Variants in KCND2 observed in about 807,000 individuals in gnomAD.
KCND2 encodes A-type voltage-gated potassium channel KCND2.
KCND2 carries 16 observed loss-of-function variants against 54.4 expected under a neutral mutation model. The observed-to-expected ratio is 0.29, with a 90% CI of 0.20 to 0.45. KCND2 has a LOEUF of 0.45. Ranked by LOEUF, KCND2 falls within the 20% of genes least tolerant of loss-of-function variation. KCND2 has a pLI of 1.00. For missense variants in KCND2, 486 were observed against 824.2 expected (o/e 0.59, Z 5.02); for synonymous variants, 317 against 310.7 (o/e 1.02, Z -0.21).
chr7:120,583,918 A>T (rs2116447489), intron 1 of KCND2, among the ~76,000 whole-genome samples: 1 of 152,346 alleles, frequency 6.6e-6, no homozygotes, highest in Non-Finnish European at 1.5e-5. Context: ...GTAATCAGTC[A>T]TCCACCCTAA....
intron 1 of KCND2, among the ~76,000 whole-genome samples, chr7:120,708,376 T>G (rs1202476789): frequency 6.6e-6 from 1 of 152,146 alleles, no homozygotes; most frequent in Non-Finnish European, 1.5e-5. Context: ...AATTGTATTA[T>G]GTACAAATAG....
chr7:120,684,091 A>G (rs1326080953), intron 1 of KCND2, among the ~76,000 whole-genome samples: 1 of 152,154 alleles, frequency 6.6e-6, no homozygotes, highest in South Asian at 2.1e-4. Flanking sequence ...GGAGTACTTC[A>G]TCATCACCTG....
At chr7:120,443,348 T>TA (rs1255579538) in intron 1 of KCND2, among the ~76,000 whole-genome samples, 5 of 126,212 alleles carry the variant, frequency 4.0e-5, no homozygotes, top group African/African-American at 1.1e-4. Flanking sequence ...GAAATAACAA[T>TA]AATAAATAAT....
Position 120,641,732 on chromosome 7 carries a change from T to C in KCND2, c.1116-91171T>C, listed in dbSNP as rs188075520. On this transcript the variant is annotated intron_variant, in intron 1 of 5. Transcript: ENST00000331113. ...TATTCCTTTTAAAGTAAGAAACTTA[T>C]TAAAACTTTTCCAAGCATATTCTTT... Among the ~76,000 whole-genome samples, 487 of 148,906 alleles carry C rather than the reference T, an allele frequency of 3.3e-3. 1 individual carries two copies. The highest frequency in any genetic ancestry group is 4.9e-3 in the Non-Finnish European group (329 of 67,592).
intron 1 of KCND2, among the ~76,000 whole-genome samples, chr7:120,600,501 A>G (rs1792800700): frequency 6.6e-6 from 1 of 152,050 alleles, no homozygotes; most frequent in African/African-American, 2.4e-5. Flanking sequence ...AGAATGCCAC[A>G]TTTCCAAATG....
Position 120,481,285 on chromosome 7 carries a change from A to G in KCND2, c.1115+205538A>G, listed in dbSNP as rs182328420. ...GGAAGAAGTTTCTAAGCAGCAAACC[A>G]TGTAGGCTGTTGCATGGCTACTTTT... On this transcript the variant is annotated intron_variant, in intron 1 of 5. Coordinates refer to ENST00000331113, the MANE Select transcript of KCND2 (RefSeq NM_012281.3). Among the ~76,000 whole-genome samples, 23 of 152,330 alleles carry G rather than the reference A, an allele frequency of 1.5e-4. No homozygotes were observed. In the East Asian group the frequency reaches 2.7e-3, roughly 18 times the overall value.
intron 1 of KCND2, among the ~76,000 whole-genome samples, chr7:120,345,599 A>G (rs1251462509): frequency 1.3e-5 from 2 of 152,142 alleles, no homozygotes. Context: ...GTTTCTATGA[A>G]TTTGACTAGG....
chr7:120,314,890 T>C (rs1028014961), intron 1 of KCND2, among the ~76,000 whole-genome samples: 1 of 152,182 alleles, frequency 6.6e-6, no homozygotes, highest in African/African-American at 2.4e-5. Context: ...CTGTTATACC[T>C]TGCAAGCTTA....
chr7:120,309,213 T>C (rs1265196665), intron 1 of KCND2, among the ~76,000 whole-genome samples: 1 of 152,074 alleles, frequency 6.6e-6, no homozygotes, highest in Non-Finnish European at 1.5e-5. Flanking sequence ...GACTCACCTC[T>C]GCATCCACGC....
chr7:120,721,469 C>T (rs1792665195), intron 1 of KCND2, among the ~76,000 whole-genome samples: 1 of 152,090 alleles, frequency 6.6e-6, no homozygotes, highest in African/African-American at 2.4e-5. Flanking sequence ...TAGAATCTTT[C>T]TTCTAAAACA....
At chr7:120,741,480 T>C in intron 2 of KCND2, 54 bp from the exon 3 acceptor site, 1 of 1,238,720 alleles carries the variant, frequency 8.1e-7, no homozygotes. Context: ...TCATTCACTG[T>C]TTTAAGGAAA....
intron 1 of KCND2, among the ~76,000 whole-genome samples, chr7:120,595,016 G>A (rs1313437429): frequency 6.8e-6 from 1 of 146,192 alleles, no homozygotes; most frequent in Non-Finnish European, 1.5e-5. Context: ...TTGAGACTCC[G>A]TCTCAAAAGA....
rs369683197 is a variant in KCND2, at chr7:120,309,468, T to TACAC, written c.1115+33722_1115+33723insCACA. Among the ~76,000 whole-genome samples, 744 of 123,272 alleles carry TACAC rather than the reference T, an allele frequency of 6.0e-3. 6 individuals carry two copies. Among genetic ancestry groups the TACAC allele is most frequent in the African/African-American group, 0.013 (423 of 32,924 alleles). The allele number at this position is 123,272 out of a possible 152,430, so 80.9% of individuals were successfully genotyped here. A position where few individuals can be genotyped will look rare whatever the true frequency, so the allele number is the denominator to read the frequency against. On this transcript the variant is annotated intron_variant, in intron 1 of 5. Transcript: ENST00000331113. ...AATAGAAAACATATATATATATATA[T>TACAC]ATATATACACACACACACACACACA...
At chr7:120,582,185 G>C (rs1437183212) in intron 1 of KCND2, among the ~76,000 whole-genome samples, 1 of 152,034 alleles carries the variant, frequency 6.6e-6, no homozygotes, top group Non-Finnish European at 1.5e-5. Context: ...CTGAGCCCCA[G>C]TTCCACAGCA....
chr7:120,468,030 CA>C lies in KCND2; in HGVS notation c.1115+192286del, dbSNP rs1379936991. ...AATGACAATTATATGTATATATATA[CA>C]AAGTTACATTCATGAAGGTAGGCTC... On this transcript the variant is annotated intron_variant, in intron 1 of 5. Coordinates refer to ENST00000331113, the MANE Select transcript of KCND2 (RefSeq NM_012281.3). Among the ~76,000 whole-genome samples, 3 of 152,064 alleles carry C rather than the reference CA, an allele frequency of 2.0e-5. No individual in the cohort carries two copies. In the East Asian group the frequency reaches 5.8e-4, roughly 29 times the overall value.
At chr7:120,703,257 G>A (rs1014562104) in intron 1 of KCND2, among the ~76,000 whole-genome samples, 2 of 152,046 alleles carry the variant, frequency 1.3e-5, no homozygotes, top group African/African-American at 4.8e-5. Flanking sequence ...CAAAATCATA[G>A]CTGCACCTAC....
chr7:120,731,562 G>C (rs915364345), intron 1 of KCND2, among the ~76,000 whole-genome samples: 1 of 152,148 alleles, frequency 6.6e-6, no homozygotes, highest in East Asian at 1.9e-4. Context: ...TGAGGAGTTT[G>C]GATTTATTTC....
intron 1 of KCND2, among the ~76,000 whole-genome samples, chr7:120,440,187 A>G (rs1801927713): frequency 6.6e-6 from 1 of 152,076 alleles, no homozygotes; most frequent in African/African-American, 2.4e-5. Flanking sequence ...GATAATAACC[A>G]TTCTAACTGG....
chr7:120,288,105 G>A (rs1799374432), intron 1 of KCND2, among the ~76,000 whole-genome samples: 1 of 152,080 alleles, frequency 6.6e-6, no homozygotes, highest in South Asian at 2.1e-4. Context: ...AGCTTTTAAA[G>A]CTACTGATTT....
Sources: allele counts gnomAD v4.1 joint callset (sites outside exome capture counted in the v4.1 genomes callset), GRCh38; gene constraint gnomAD v4.1.1; transcripts MANE v1.5; gene names NCBI Gene and HGNC (gene_info 2026-07-23, HGNC 2026-07-21).